The following NMD3 variants were observed in gnomAD, a reference collection of about 807,000 sequenced individuals.
The protein encoded by NMD3 is NMD3 ribosome export adaptor.
NMD3 carries 47 observed loss-of-function variants against 73.1 expected under a neutral mutation model. That is an observed-to-expected ratio of 0.64 (90% CI 0.51 to 0.82). The LOEUF (loss-of-function observed/expected upper bound fraction) is 0.82. Ranked by LOEUF, NMD3 falls within the 40% of genes least tolerant of loss-of-function variation. The pLI is 0.00. For missense variants in NMD3, 554 were observed against 612.5 expected (o/e 0.90, Z 1.01); for synonymous variants, 210 against 194.5 (o/e 1.08, Z -0.66).
At chr3:161,231,486 A>T (rs9824805) in intron 4 of NMD3, among the ~76,000 whole-genome samples, 7,440 of 152,236 alleles carry the variant, frequency 0.049, 476 homozygotes, top group African/African-American at 0.14. Flanking sequence ...CTAGGTATTA[A>T]TATTGTTGGA....
rs114366016 is a variant in NMD3 at position 161,229,661 on chromosome 3, A to G, written c.276+2318A>G. Among the ~76,000 whole-genome samples the G allele has an allele frequency of 3.6e-3, 551 of 152,348 alleles. 1 individual carries two copies. The highest frequency in any genetic ancestry group is 6.1e-3 in the Non-Finnish European group (417 of 68,038). On this transcript the variant is annotated intron_variant, in intron 4 of 15. Transcript: ENST00000351193. Reference sequence around the variant, plus strand: ...GTCATGAATTGGATTAGATTATTTCAGGAGTTTACATAGAGAAGGAAAGAA... The same window carrying G: ...GTCATGAATTGGATTAGATTATTTCGGGAGTTTACATAGAGAAGGAAAGAA...
chr3:161,224,330 G>A (rs1039082861), intron 2 of NMD3, among the ~76,000 whole-genome samples: 6 of 152,266 alleles, frequency 3.9e-5, no homozygotes, highest in Admixed American at 6.5e-5. Flanking sequence ...CATTTCTGTC[G>A]TGGCATGAAA....
intron 3 of NMD3, among the ~76,000 whole-genome samples, chr3:161,226,071 C>A (rs1164307285): frequency 6.6e-6 from 1 of 152,100 alleles, no homozygotes; most frequent in Non-Finnish European, 1.5e-5. Context: ...GTTTGAAACT[C>A]TTAGCTGTTT....
chr3:161,223,022 A>C (rs144803724), intron 2 of NMD3: 1 of 152,312 alleles, frequency 6.6e-6, no homozygotes, highest in African/African-American at 2.4e-5. Context: ...ACACTTGTCT[A>C]AGGGCTCAAA....
At chr3:161,243,834 TGA>T (rs34865181) in intron 11 of NMD3, among the ~76,000 whole-genome samples, 15,309 of 152,218 alleles carry the variant, frequency 0.1, 1,048 homozygotes, top group South Asian at 0.19. Flanking sequence ...GTTAACATAG[TGA>T]TAGTCAGATT....
At chr3:161,234,036 TG>T (rs1396036740) in intron 5 of NMD3, among the ~76,000 whole-genome samples, 1 of 152,234 alleles carries the variant, frequency 6.6e-6, no homozygotes, top group Non-Finnish European at 1.5e-5. Context: ...TTTTTGGATT[TG>T]GAATGTTCAA....
chr3:161,245,861 C>T lies in NMD3; in HGVS notation c.1018-475C>T, dbSNP rs147590817. Among the ~76,000 whole-genome samples the T allele has an allele frequency of 4.1e-3, 629 of 152,102 alleles. 5 individuals carry two copies. Among genetic ancestry groups the T allele is most frequent in the African/African-American group, 0.015 (608 of 41,514 alleles). ...AAAATTAATTTGATAAAGATTTGGCCTCTCTAGTGGTTTACTACCAGGATT... is the reference window on the plus strand; with the variant it reads ...AAAATTAATTTGATAAAGATTTGGCTTCTCTAGTGGTTTACTACCAGGATT... On this transcript the variant is annotated intron_variant, in intron 11 of 15. Transcript: ENST00000351193.
At chr3:161,239,191 T>C (rs1334776928) in intron 9 of NMD3, among the ~76,000 whole-genome samples, 1 of 152,168 alleles carries the variant, frequency 6.6e-6, no homozygotes, top group Non-Finnish European at 1.5e-5. Flanking sequence ...TTGTGGAATA[T>C]GTACAAACAA....
At chr3:161,233,514 G>T in intron 5 of NMD3, 35 bp downstream of exon 5, 1 of 1,314,964 alleles carries the variant, frequency 7.6e-7, no homozygotes, top group Non-Finnish European at 1.1e-6. Flanking sequence ...CATGGTTAAA[G>T]TGCAGGTAGT....
At chr3:161,225,870 GTATA>G (rs1194141199) in intron 3 of NMD3, among the ~76,000 whole-genome samples, 1 of 151,860 alleles carries the variant, frequency 6.6e-6, no homozygotes, top group Non-Finnish European at 1.5e-5. Context: ...GTGTGTGTGT[GTATA>G]TATACATATA....
chr3:161,221,958 C>CTTT lies in NMD3; in HGVS notation c.-20-8_-20-6dup, dbSNP rs376329329. ...AAAGTGATTTAAATCCCAACATTCT[C>CTTT]TTTTTTTTTTTTTTTTTTTTTTTTT... On this transcript the variant is annotated intron_variant, in intron 1 of 15. Coordinates refer to ENST00000351193, the MANE Select transcript of NMD3 (RefSeq NM_015938.5). 3.5e-3 allele frequency: 3,012 copies of CTTT among 865,912 alleles called. 74 individuals are homozygous for CTTT. Among genetic ancestry groups the CTTT allele is most frequent in the African/African-American group, 0.027 (1,246 of 46,530 alleles). The allele number at this position is 865,912 out of a possible 1,614,324, so 53.6% of individuals were successfully genotyped here.
intron 15 of NMD3, 32 bp from the exon 16 acceptor site, chr3:161,250,748 G>C: frequency 7.0e-7 from 1 of 1,424,912 alleles, no homozygotes; most frequent in Non-Finnish European, 9.7e-7. Context: ...TAAATACTTT[G>C]TATTTATTTT....
At chr3:161,229,122 T>A (rs923625496) in intron 4 of NMD3, among the ~76,000 whole-genome samples, 14 of 152,176 alleles carry the variant, frequency 9.2e-5, no homozygotes, top group African/African-American at 3.4e-4. Flanking sequence ...TAGTTGGGGA[T>A]AGAGTCCAGA....
chr3:161,238,337 C>T (rs939800874), intron 8 of NMD3, 146 bp downstream of exon 8: 19 of 625,342 alleles, frequency 3.0e-5, no homozygotes, highest in Non-Finnish European at 4.4e-5. Context: ...ATTGGGTTAA[C>T]CACCCACTCA....
intron 12 of NMD3, among the ~76,000 whole-genome samples, 195 bp downstream of exon 12, chr3:161,246,643 G>T (rs1448641679): frequency 6.6e-6 from 1 of 152,066 alleles, no homozygotes; most frequent in African/African-American, 2.4e-5. Flanking sequence ...CTCCATTTTG[G>T]TTATAATCTT....
intron 12 of NMD3, among the ~76,000 whole-genome samples, chr3:161,246,806 T>TAC (rs1346825463): frequency 3.3e-5 from 5 of 152,216 alleles, no homozygotes; most frequent in Admixed American, 1.3e-4. Context: ...ACTATATATA[T>TAC]ACAAAGGGCT....
At chr3:161,239,385 T>C (rs1293686086) in intron 9 of NMD3, among the ~76,000 whole-genome samples, 1 of 152,216 alleles carries the variant, frequency 6.6e-6, no homozygotes, top group Admixed American at 6.5e-5. Flanking sequence ...AGTTATTGAG[T>C]ATCTATAGTA....
At chr3:161,237,803 C>G (rs1385579578) in intron 7 of NMD3, among the ~76,000 whole-genome samples, 1 of 152,096 alleles carries the variant, frequency 6.6e-6, no homozygotes, top group Admixed American at 6.5e-5. Context: ...GCTGGGATTA[C>G]AGGCATGAGC....
intron 6 of NMD3, 26 bp downstream of exon 6, chr3:161,234,881 T>A (rs1736691994): frequency 1.2e-6 from 2 of 1,604,458 alleles, no homozygotes; most frequent in Non-Finnish European, 1.7e-6. Flanking sequence ...GATGAGTGAG[T>A]CCTACATCTT....
Sources: gnomAD v4.1 joint callset for allele counts (sites outside exome capture counted in the v4.1 genomes callset) on GRCh38, gnomAD v4.1.1 for gene constraint, MANE v1.5 for transcripts, NCBI Gene and HGNC (gene_info 2026-07-23, HGNC 2026-07-21) for gene names.